Variants in GDPD5 observed in about 807,000 individuals in gnomAD.
GDPD5 encodes glycerophosphodiester phosphodiesterase 2.
Under a neutral mutation model 75.1 loss-of-function variants are expected in GDPD5, and 48 were observed. The ratio of observed to expected loss-of-function variants is 0.64; its 90% CI spans 0.51 to 0.81. GDPD5 has a LOEUF of 0.81. GDPD5 is among the 40% of genes least tolerant of loss of function. The probability of loss-of-function intolerance (pLI) is 0.00; values close to 1 mark genes in which losing one functional copy is unlikely to be tolerated. For synonymous variants in GDPD5, 336 were observed against 339.0 expected (o/e 0.99, Z 0.10); for missense variants, 706 against 822.6 (o/e 0.86, Z 1.73).
At chr11:75,484,387 C>T (rs184797836) in intron 2 of GDPD5, among the ~76,000 whole-genome samples, 1 of 152,288 alleles carries the variant, frequency 6.6e-6, no homozygotes, top group East Asian at 1.9e-4. Context: ...TTGGCTGTAC[C>T]TGGGCCCTCT....
chr11:75,521,145 A>G (rs1028563398), intron 1 of GDPD5, among the ~76,000 whole-genome samples: 1 of 152,096 alleles, frequency 6.6e-6, no homozygotes, highest in Admixed American at 6.5e-5. Context: ...ACATGGACAC[A>G]CGGGACCCCA....
chr11:75,475,180 G>C (rs867009139), intron 3 of GDPD5, among the ~76,000 whole-genome samples: 4 of 152,308 alleles, frequency 2.6e-5, no homozygotes, highest in African/African-American at 2.4e-5. Context: ...AAAATGCCTC[G>C]TGACTCTCCC....
chr11:75,522,150 G>A (rs1941484802), intron 1 of GDPD5, among the ~76,000 whole-genome samples: 1 of 152,164 alleles, frequency 6.6e-6, no homozygotes, highest in Non-Finnish European at 1.5e-5. Flanking sequence ...TCACACTCAT[G>A]ATGAGGCACC....
intron 1 of GDPD5, among the ~76,000 whole-genome samples, chr11:75,513,151 T>C (rs1008059693): frequency 6.6e-6 from 1 of 152,058 alleles, no homozygotes; most frequent in Non-Finnish European, 1.5e-5. Context: ...AGACAAGAAG[T>C]CTGGAGGACC....
chr11:75,441,652 T>A lies in GDPD5; in HGVS notation c.1319A>T (p.Glu440Val), dbSNP rs1442660192. 10 of 1,578,426 alleles carry A rather than the reference T, an allele frequency of 6.3e-6. No individual in the cohort carries two copies. Residue 440 changes from glutamate (E) to valine (V), a missense_variant, in exon 13 of 17, where the codon GAG becomes GTG. Glu to Val is a moderately radical substitution (Grantham distance 121, BLOSUM62 -2). Coordinates refer to ENST00000336898, the MANE Select transcript of GDPD5 (RefSeq NM_030792.8). ...NLRYTQVSRQ[E>V]LRDYASWNLS... is the part of the protein sequence containing the mutation. ...CCCAGGGCAGGGCAGGCACCTGAGC[T>A]CCTGGCGGGACACCTGAGTGTAGCG...
At chr11:75,491,591 A>G (rs1234518567) in intron 1 of GDPD5, among the ~76,000 whole-genome samples, 1 of 152,244 alleles carries the variant, frequency 6.6e-6, no homozygotes, top group Non-Finnish European at 1.5e-5. Flanking sequence ...TAGCAAGGCC[A>G]GAATGAGTCA....
intron 6 of GDPD5, among the ~76,000 whole-genome samples, chr11:75,453,452 A>G (rs1311280539): frequency 6.6e-6 from 1 of 152,092 alleles, no homozygotes; most frequent in Non-Finnish European, 1.5e-5. Context: ...CCTCGTCTCT[A>G]CTAAAAATAC....
rs557390308 is a variant in GDPD5, at chr11:75,509,131, T to C, written c.-145+16079A>G. Among the ~76,000 whole-genome samples the C allele has an allele frequency of 1.2e-3, 188 of 152,206 alleles. 1 individual carries two copies. The highest frequency in any genetic ancestry group is 4.5e-3 in the African/African-American group (186 of 41,532). On this transcript the variant is annotated intron_variant, in intron 1 of 16. Transcript: ENST00000336898. Reference sequence around the variant, plus strand: ...TGCAGGACACAGAGAGGCTCCTGTATGTGGGCAGGTCATGTTAGACCCAGA... The same window carrying C: ...TGCAGGACACAGAGAGGCTCCTGTACGTGGGCAGGTCATGTTAGACCCAGA...
Position 75,460,923 on chromosome 11 carries a change from C to T in GDPD5, c.221+1863G>A, listed in dbSNP as rs552576902. Among the ~76,000 whole-genome samples the T allele has an allele frequency of 3.3e-5, 5 of 152,128 alleles. No homozygotes were observed. In the South Asian group the frequency reaches 6.2e-4, roughly 19 times the overall value. ...GCGGGAACCCATCCTCTGCTTGAAA[C>T]TCCCAGTGACAGGGAGCTCACTCTC... On this transcript the variant is annotated intron_variant, in intron 4 of 16. Coordinates refer to ENST00000336898, the MANE Select transcript of GDPD5 (RefSeq NM_030792.8).
At chr11:75,439,013 G>A (rs1269299690) in intron 15 of GDPD5, among the ~76,000 whole-genome samples, 2 of 152,318 alleles carry the variant, frequency 1.3e-5, no homozygotes, top group African/African-American at 2.4e-5. Context: ...GAGGCAGGGG[G>A]ATGGGGGTAC....
chr11:75,456,964 C>T, intron 5 of GDPD5, 148 bp from the exon 6 acceptor site: 1 of 720,904 alleles, frequency 1.4e-6, no homozygotes. Flanking sequence ...GAATGCGCTG[C>T]CCTCCCCAGC....
chr11:75,456,055 G>A (rs192192896), intron 6 of GDPD5, among the ~76,000 whole-genome samples: 35 of 152,292 alleles, frequency 2.3e-4, no homozygotes, highest in African/African-American at 7.0e-4. Flanking sequence ...AGGAAGTCCC[G>A]GGAGAGAATC....
At chr11:75,511,254 G>T (rs1950513041) in intron 1 of GDPD5, among the ~76,000 whole-genome samples, 1 of 152,108 alleles carries the variant, frequency 6.6e-6, no homozygotes, top group African/African-American at 2.4e-5. Flanking sequence ...TGCAGTCCTG[G>T]GCCAGGAAAC....
intron 15 of GDPD5, 125 bp downstream of exon 15, chr11:75,439,751 CCTT>C: frequency 2.6e-6 from 2 of 759,956 alleles, no homozygotes; most frequent in South Asian, 1.5e-5. Context: ...CGGAGTCCGT[CCTT>C]CTTCCCTGGT....
At chr11:75,436,495 C>G (rs1264517555) in intron 16 of GDPD5, among the ~76,000 whole-genome samples, 3 of 144,162 alleles carry the variant, frequency 2.1e-5, no homozygotes, top group Non-Finnish European at 4.6e-5. Flanking sequence ...GCACTCCCAT[C>G]GCAGGAACTC....
chr11:75,504,126 T>C lies in GDPD5; in HGVS notation c.-144-13806A>G, dbSNP rs546687512. Among the ~76,000 whole-genome samples the C allele has an allele frequency of 1.1e-4, 16 of 152,294 alleles. No individual in the cohort carries two copies. The South Asian group carries it at 2.5e-3, about 24-fold the overall frequency. ...TTCACCACATGCTCAGCTGCCCTCATGGATGGGTGCAGGTGAGCTGTGGGT... is the reference window on the plus strand; with the variant it reads ...TTCACCACATGCTCAGCTGCCCTCACGGATGGGTGCAGGTGAGCTGTGGGT... On this transcript the variant is annotated intron_variant, in intron 1 of 16. Coordinates refer to ENST00000336898, the MANE Select transcript of GDPD5 (RefSeq NM_030792.8).
At chr11:75,514,111 G>A (rs1950590237) in intron 1 of GDPD5, among the ~76,000 whole-genome samples, 1 of 152,236 alleles carries the variant, frequency 6.6e-6, no homozygotes, top group Non-Finnish European at 1.5e-5. Flanking sequence ...GGTAGGAAGG[G>A]GAGCACCAGG....
intron 1 of GDPD5, among the ~76,000 whole-genome samples, chr11:75,509,674 T>G (rs1162664172): frequency 6.6e-6 from 1 of 152,178 alleles, no homozygotes; most frequent in East Asian, 1.9e-4. Flanking sequence ...GCTGAGTCAC[T>G]TGCCCATTTT....
intron 4 of GDPD5, 45 bp from the exon 5 acceptor site, chr11:75,457,831 C>T (rs764757480): frequency 1.4e-6 from 2 of 1,465,312 alleles, no homozygotes; most frequent in Non-Finnish European, 1.9e-6. Context: ...CACCAGGCCA[C>T]TACCTGGCCC....
Sources: allele counts gnomAD v4.1 joint callset (sites outside exome capture counted in the v4.1 genomes callset), GRCh38; gene constraint gnomAD v4.1.1; transcripts MANE v1.5; gene names NCBI Gene and HGNC (gene_info 2026-07-23, HGNC 2026-07-21).